Variants in PPM1L observed in about 807,000 individuals in gnomAD.
PPM1L encodes protein phosphatase 1L.
Under a neutral mutation model 31.4 loss-of-function variants are expected in PPM1L, and 13 were observed. The ratio of observed to expected loss-of-function variants is 0.41; its 90% CI spans 0.27 to 0.66. The LOEUF (loss-of-function observed/expected upper bound fraction) is 0.66, where lower values mean the gene tolerates loss of function less well. Among genes scored for constraint, PPM1L ranks in the 30% least tolerant of loss-of-function variants. The pLI is 0.29. For missense variants in PPM1L, 326 were observed against 453.7 expected (o/e 0.72, Z 2.56); for synonymous variants, 184 against 175.4 (o/e 1.05, Z -0.39).
Position 160,913,711 on chromosome 3 carries a change from CATGTCGTTTTAT to C in PPM1L, c.400-48019_400-48008del, listed in dbSNP as rs1405963973. Reference sequence around the variant, plus strand: ...CAGCATAATGTTTTTGAGATTCATCCATGTCGTTTTATATGTCAGTAGTTCATTCCTTTTCAT... The same window carrying C: ...CAGCATAATGTTTTTGAGATTCATCCATGTCAGTAGTTCATTCCTTTTCAT... On this transcript the variant is annotated intron_variant, in intron 1 of 3. Transcript: ENST00000498165. Among the ~76,000 whole-genome samples the C allele has an allele frequency of 2.6e-5, 4 of 152,186 alleles. No homozygotes were observed. The South Asian group carries it at 8.3e-4, about 32-fold the overall frequency.
intron 1 of PPM1L, among the ~76,000 whole-genome samples, chr3:160,791,189 A>G (rs992728285): frequency 4.6e-5 from 7 of 152,148 alleles, no homozygotes; most frequent in African/African-American, 1.7e-4. Context: ...GAGACCATTT[A>G]AAGAGAGACA....
At chr3:161,046,248 A>G (rs1719063970) in intron 2 of PPM1L, among the ~76,000 whole-genome samples, 1 of 152,096 alleles carries the variant, frequency 6.6e-6, no homozygotes, top group African/African-American at 2.4e-5. Context: ...AAAAAATGAT[A>G]AAGGGGATAT....
intron 2 of PPM1L, among the ~76,000 whole-genome samples, chr3:161,006,983 C>T (rs987269335): frequency 4.6e-5 from 7 of 152,284 alleles, no homozygotes; most frequent in African/African-American, 7.2e-5. Context: ...CGCCCGGCCC[C>T]CTACCTTCTT....
intron 1 of PPM1L, among the ~76,000 whole-genome samples, chr3:160,920,773 A>C (rs537194128): frequency 2.6e-5 from 4 of 152,180 alleles, no homozygotes; most frequent in African/African-American, 9.6e-5. Flanking sequence ...AAGTTATTTT[A>C]CTCATCTCCT....
intron 1 of PPM1L, among the ~76,000 whole-genome samples, chr3:160,954,136 G>C (rs1715659119): frequency 1.3e-5 from 2 of 152,064 alleles, no homozygotes; most frequent in South Asian, 4.1e-4. Flanking sequence ...TTCTTCATCT[G>C]TAAAAATCTG....
intron 2 of PPM1L, among the ~76,000 whole-genome samples, chr3:160,975,651 C>A (rs1474725356): frequency 6.6e-6 from 1 of 152,144 alleles, no homozygotes; most frequent in Admixed American, 6.6e-5. Context: ...AATGAGAGTT[C>A]ACTCATGATT....
At chr3:160,947,288 C>T (rs62280309) in intron 1 of PPM1L, among the ~76,000 whole-genome samples, 593 of 152,264 alleles carry the variant, frequency 3.9e-3, no homozygotes, top group Non-Finnish European at 6.8e-3. Flanking sequence ...TCCCAATGGC[C>T]GGTATCTAGC....
chr3:161,000,201 A>G (rs1717439450), intron 2 of PPM1L, among the ~76,000 whole-genome samples: 1 of 152,352 alleles, frequency 6.6e-6, no homozygotes, highest in African/African-American at 2.4e-5. Flanking sequence ...GCTTTAAGTA[A>G]TTAGAGGTTA....
chr3:161,026,828 AC>A (rs61029455), intron 2 of PPM1L, among the ~76,000 whole-genome samples: 3,811 of 152,320 alleles, frequency 0.025, 83 homozygotes, highest in South Asian at 0.044. Context: ...GTGAACAAGA[AC>A]AATTCACATA....
At chr3:161,017,441 A>G (rs1718117211) in intron 2 of PPM1L, among the ~76,000 whole-genome samples, 1 of 152,160 alleles carries the variant, frequency 6.6e-6, no homozygotes, top group South Asian at 2.1e-4. Flanking sequence ...TTCTTCACAA[A>G]ACTTATCCAA....
At chr3:160,790,094 C>G (rs890792605) in intron 1 of PPM1L, among the ~76,000 whole-genome samples, 1 of 151,974 alleles carries the variant, frequency 6.6e-6, no homozygotes. Flanking sequence ...ATGAAACCAT[C>G]CATTTTTTTT....
intron 2 of PPM1L, among the ~76,000 whole-genome samples, chr3:160,995,741 G>C (rs778651): frequency 0.24 from 36,904 of 152,124 alleles, 5,107 homozygotes; most frequent in African/African-American, 0.37. Context: ...AAGAGCAAAG[G>C]TCTTGAATAG....
intron 1 of PPM1L, among the ~76,000 whole-genome samples, chr3:160,786,187 G>GTGTGTGTGTGTA (rs1302285733): frequency 3.8e-4 from 15 of 39,434 alleles, no homozygotes; most frequent in Non-Finnish European, 4.4e-4. Context: ...GTGTGTGTGT[G>GTGTGTGTGTGTA]TATATATATA....
intron 1 of PPM1L, among the ~76,000 whole-genome samples, chr3:160,861,004 A>G (rs888715127): frequency 6.6e-6 from 1 of 152,256 alleles, no homozygotes; most frequent in Non-Finnish European, 1.5e-5. Flanking sequence ...AGTTCATAAC[A>G]GATCCTTAAG....
chr3:160,769,955 G>C (rs1715206929), intron 1 of PPM1L, among the ~76,000 whole-genome samples: 1 of 152,156 alleles, frequency 6.6e-6, no homozygotes, highest in South Asian at 2.1e-4. Flanking sequence ...TAGGTCAAAT[G>C]AGTGTACTTG....
At chr3:160,814,531 GTATGTATGTGTATATATA>G (rs1712911383) in intron 1 of PPM1L, among the ~76,000 whole-genome samples, 1 of 88,580 alleles carries the variant, frequency 1.1e-5, no homozygotes, top group African/African-American at 5.9e-5. Flanking sequence ...ACACACATAT[GTATGTATGTGTATATATA>G]CACACACACA....
chr3:160,779,988 G>A (rs1711688396), intron 1 of PPM1L, among the ~76,000 whole-genome samples: 1 of 151,850 alleles, frequency 6.6e-6, no homozygotes, highest in Admixed American at 6.6e-5. Flanking sequence ...AGTACTTAAA[G>A]TGGTGCATGG....
chr3:160,820,110 A>G (rs2108090272), intron 1 of PPM1L, among the ~76,000 whole-genome samples: 1 of 152,174 alleles, frequency 6.6e-6, no homozygotes, highest in African/African-American at 2.4e-5. Flanking sequence ...TGGAGGTGGT[A>G]GATGAGGAGA....
chr3:160,901,126 C>A (rs1309228935), intron 1 of PPM1L, among the ~76,000 whole-genome samples: 1 of 152,082 alleles, frequency 6.6e-6, no homozygotes, highest in African/African-American at 2.4e-5. Context: ...GTGATTCCAT[C>A]TAGGTTCGTG....
Sources: allele counts gnomAD v4.1 joint callset (sites outside exome capture counted in the v4.1 genomes callset), GRCh38; gene constraint gnomAD v4.1.1; transcripts MANE v1.5; gene names NCBI Gene and HGNC (gene_info 2026-07-23, HGNC 2026-07-21).